Variants in ASIC2 observed in about 807,000 individuals in gnomAD.
ASIC2 encodes acid sensing ion channel subunit 2.
A neutral mutation model predicts 57.3 loss-of-function variants in ASIC2; 25 were observed. That is an observed-to-expected ratio of 0.44 (90% CI 0.32 to 0.61). The LOEUF (loss-of-function observed/expected upper bound fraction) is 0.61. Ranked by LOEUF, ASIC2 falls within the 20% of genes least tolerant of loss-of-function variation. The pLI, the probability that ASIC2 is intolerant of heterozygous loss-of-function variation, is 0.06. For synonymous variants in ASIC2, 319 were observed against 307.5 expected (o/e 1.04, Z -0.39); for missense variants, 641 against 738.1 (o/e 0.87, Z 1.52).
chr17:33,450,556 C>G (rs1294331615), intron 1 of ASIC2, among the ~76,000 whole-genome samples: 1 of 152,118 alleles, frequency 6.6e-6, no homozygotes, highest in Non-Finnish European at 1.5e-5. Context: ...TGAAAAAATT[C>G]TGGAGATGGA....
chr17:33,862,190 C>T (rs1363292440), intron 1 of ASIC2, among the ~76,000 whole-genome samples: 3 of 152,224 alleles, frequency 2.0e-5, no homozygotes, highest in African/African-American at 4.8e-5. Context: ...GAGTCAGACT[C>T]GCCATCCTCT....
At chr17:33,637,401 G>A (rs1418799707) in intron 1 of ASIC2, among the ~76,000 whole-genome samples, 1 of 152,068 alleles carries the variant, frequency 6.6e-6, no homozygotes, top group Non-Finnish European at 1.5e-5. Context: ...CACATACAAA[G>A]GATGGGTTTG....
chr17:33,352,349 C>T (rs1908218806), intron 1 of ASIC2, among the ~76,000 whole-genome samples: 1 of 152,086 alleles, frequency 6.6e-6, no homozygotes, highest in Admixed American at 6.5e-5. Context: ...CAGTGAGCCC[C>T]CTCCATGAGA....
At chr17:33,508,509 G>C (rs757784254) in intron 1 of ASIC2, among the ~76,000 whole-genome samples, 2 of 152,206 alleles carry the variant, frequency 1.3e-5, no homozygotes, top group Non-Finnish European at 2.9e-5. Context: ...TCCCAGGGAG[G>C]TGGGGCCAGT....
chr17:33,576,288 A>G (rs1760690634), intron 1 of ASIC2, among the ~76,000 whole-genome samples: 1 of 152,140 alleles, frequency 6.6e-6, no homozygotes, highest in South Asian at 2.1e-4. Flanking sequence ...GAGAGAACCC[A>G]GTTCAAATCC....
In ASIC2 at chr17:34,052,852, C is replaced by T. The variant is rs560789212; in HGVS notation, c.555+103126G>A. Among the ~76,000 whole-genome samples the T allele has an allele frequency of 5.9e-5, 9 of 152,128 alleles. No individual in the cohort carries two copies. The South Asian group carries it at 1.9e-3, about 32-fold the overall frequency. The stretch of plus-strand genomic sequence containing the variant: ...CAGGCTGGTCTCAAACTCCTGACCT[C>T]AGGTGATCCACCCGCCTCGCCCTCC... On this transcript the variant is annotated intron_variant, in intron 1 of 9. Coordinates refer to the ASIC2 transcript ENST00000359872.
intron 1 of ASIC2, among the ~76,000 whole-genome samples, chr17:34,095,635 A>ATATATATATATATAATAT (rs1910500051): frequency 2.0e-5 from 2 of 98,024 alleles, no homozygotes; most frequent in African/African-American, 8.4e-5. Context: ...ATATAATTTT[A>ATATATATATATATAATAT]TATATATATA....
intron 1 of ASIC2, among the ~76,000 whole-genome samples, chr17:33,909,207 G>A (rs1224861875): frequency 6.6e-6 from 1 of 152,150 alleles, no homozygotes; most frequent in Non-Finnish European, 1.5e-5. Flanking sequence ...TGCGCTCTTG[G>A]CAGTTTATTA....
chr17:33,106,270 C>T (rs1194121424), intron 2 of ASIC2, among the ~76,000 whole-genome samples: 1 of 151,988 alleles, frequency 6.6e-6, no homozygotes, highest in African/African-American at 2.4e-5. Context: ...ATCTTTACCC[C>T]GAGAACAGCA....
At position 33,692,511 on chromosome 17, in the gene ASIC2, T is replaced by C. The variant is rs541153821; in HGVS notation, c.555+463467A>G. ...GTTATAAAAGTCTTGAACCAAACAG[T>C]ATACACAAATAAAGTTTGTGTATCT... is the stretch of plus-strand genomic sequence containing the variant. On this transcript the variant is annotated intron_variant, in intron 1 of 9. Transcript: ENST00000359872. 1.1e-4 allele frequency: 16 copies of C among 152,300 alleles called. No homozygotes were observed. In the East Asian group the frequency reaches 3.1e-3, roughly 29 times the overall value. 9.4% of individuals were successfully genotyped at this position (152,300 alleles called of 1,614,324 possible). A position where few individuals can be genotyped will look rare whatever the true frequency, so the allele number is the denominator to read the frequency against.
intron 1 of ASIC2, among the ~76,000 whole-genome samples, chr17:33,776,964 C>T (rs970563497): frequency 2.0e-5 from 3 of 152,316 alleles, no homozygotes; most frequent in East Asian, 1.9e-4. Flanking sequence ...TCCTGAGCAC[C>T]GTGTGACCCT....
intron 1 of ASIC2, among the ~76,000 whole-genome samples, chr17:33,300,580 GTGCA>G (rs1376239296): frequency 1.3e-5 from 2 of 152,174 alleles, no homozygotes; most frequent in African/African-American, 2.4e-5. Context: ...TGCCTCTGAA[GTGCA>G]TTATGTTGTG....
Position 33,734,577 on chromosome 17 carries a change from A to T in ASIC2, c.555+421401T>A, listed in dbSNP as rs1235065757. Among the ~76,000 whole-genome samples, 3 of 152,180 alleles carry T rather than the reference A, an allele frequency of 2.0e-5. No homozygotes were observed. The East Asian group carries it at 5.8e-4, about 29-fold the overall frequency. The stretch of plus-strand genomic sequence containing the variant: ...TCACTACTAAATTGTGTTCCCCACA[A>T]ATGTGTATGTTGAAGCCCTCACCCC... On this transcript the variant is annotated intron_variant, in intron 1 of 9. Coordinates refer to the ASIC2 transcript ENST00000359872.
At chr17:33,845,999 T>G in intron 1 of ASIC2, among the ~76,000 whole-genome samples, 1 of 152,208 alleles carries the variant, frequency 6.6e-6, no homozygotes, top group East Asian at 1.9e-4. Flanking sequence ...TTTGGAAAAT[T>G]CATGCAAAGA....
intron 1 of ASIC2, among the ~76,000 whole-genome samples, chr17:33,146,868 T>A (rs1042368269): frequency 3.9e-5 from 6 of 152,230 alleles, no homozygotes; most frequent in African/African-American, 1.4e-4. Context: ...GGAGCTCTTA[T>A]TACTTCAGTC....
intron 1 of ASIC2, among the ~76,000 whole-genome samples, chr17:34,143,890 T>C (rs1912342154): frequency 1.3e-5 from 2 of 152,208 alleles, no homozygotes; most frequent in South Asian, 4.1e-4. Flanking sequence ...ATAAGTTAAC[T>C]AAACCTCTTT....
In ASIC2 at chr17:33,670,429, A is replaced by C. The variant is rs1907606391; in HGVS notation, c.555+485549T>G. ...TTTAAAATAAGGAATCACCATTTTAAATGAAGAGAAAAAGTGAGAATTGCA... is the reference window on the plus strand; with the variant it reads ...TTTAAAATAAGGAATCACCATTTTACATGAAGAGAAAAAGTGAGAATTGCA... On this transcript the variant is annotated intron_variant, in intron 1 of 9. Transcript: ENST00000359872. 5.3e-5 allele frequency among the ~76,000 whole-genome samples: 8 copies of C among 152,242 alleles called. No homozygotes were observed. In the South Asian group the frequency reaches 1.7e-3, roughly 31 times the overall value.
chr17:33,349,700 T>C (rs1408881667), intron 1 of ASIC2, among the ~76,000 whole-genome samples: 1 of 152,230 alleles, frequency 6.6e-6, no homozygotes, highest in Non-Finnish European at 1.5e-5. Context: ...CCATCACTCA[T>C]ACCAGAAATG....
chr17:33,533,950 A>G (rs1218184911), intron 1 of ASIC2, among the ~76,000 whole-genome samples: 1 of 152,208 alleles, frequency 6.6e-6, no homozygotes, highest in Admixed American at 6.5e-5. Context: ...CTGTTCCCCA[A>G]AAATCATTCC....
Sources: allele counts gnomAD v4.1 joint callset (sites outside exome capture counted in the v4.1 genomes callset), GRCh38; gene constraint gnomAD v4.1.1; transcripts MANE v1.5; gene names NCBI Gene and HGNC (gene_info 2026-07-23, HGNC 2026-07-21).